Variants in ANXA2R observed in about 807,000 individuals in gnomAD.
ANXA2R encodes annexin-2 receptor.
For missense variants in ANXA2R, 244 were observed against 241.5 expected, an observed-to-expected ratio of 1.01 and a Z score of -0.07; for synonymous variants, 93 against 93.6, an observed-to-expected ratio of 0.99 and a Z score of 0.04.
rs774089093 is a variant in ANXA2R at position 43,039,996 on chromosome 5, C to T, written c.51G>A (p.Glu17=). The change falls in exon 1 of 1, where the codon GAG becomes GAA. Residue 17 remains glutamate (E), a synonymous_variant. Coordinates refer to ENST00000616064, the MANE Select transcript of ANXA2R (RefSeq NM_001014279.3). ...GTGGAGGCTGGGGCTCTGGCGCCAC[C>T]TCTGCGGAATCCCAAGCCCGCTTCA... is the stretch of plus-strand genomic sequence containing the variant. ...GCVKRAWDSA[E]VAPEPQPPPI... is the part of the protein sequence containing the mutation. 6.2e-6 allele frequency: 10 copies of T among 1,613,180 alleles called. No homozygotes were observed. In the East Asian group the frequency reaches 8.9e-5, roughly 14 times the overall value.
chr5:43,042,559 G>T (rs1286741460), upstream of ANXA2R: 2 of 152,718 alleles, frequency 1.3e-5, no homozygotes, highest in Non-Finnish European at 2.9e-5. This position sits in a 1 kb window ranked among gnomAD's most constrained non-coding sequence, Gnocchi z 5.6. Context: ...CAACGGAAAC[G>T]CCGGGTGCTG....
chr5:43,039,938 G>C lies in ANXA2R; in HGVS notation c.109C>G (p.Pro37Ala). 6.2e-7 allele frequency: 1 copy of C among 1,614,196 alleles called. No individual in the cohort carries two copies. The change falls in exon 1 of 1, where the codon CCT becomes GCT. Residue 37 changes from proline (P) to alanine (A), a missense_variant. Transcript: ENST00000616064. ...CCTAGTACTGGATACAAAGGAAGAG[G>C]CCACGGCCCACGATCTTCTGAACTC... ...IVSSEDRGPW[P>A]LPLYPVLGEY...
rs756958369 is a variant in ANXA2R at position 43,039,826 on chromosome 5, G to A, written c.221C>T (p.Ser74Phe). ...LPGVYWQNGL[S>F]PGVQSTLEPS... ...TTCCAAGGTGCTCTGGACTCCAGGA[G>A]AGAGTCCGTTTTGCCAGTAGACTCC... The change falls in exon 1 of 1, where the codon TCT (serine) becomes TTT (phenylalanine). Residue 74 changes from serine to phenylalanine, a missense_variant. By Grantham distance (155) the Ser-to-Phe change is radical (BLOSUM62 -2). Coordinates refer to ENST00000616064, the MANE Select transcript of ANXA2R (RefSeq NM_001014279.3). The A allele has an allele frequency of 3.1e-6, 5 of 1,614,106 alleles. No homozygotes were observed. Among genetic ancestry groups the A allele is most frequent in the African/African-American group, 2.7e-5 (2 of 74,934 alleles).
In ANXA2R at chr5:43,040,298, A is replaced by G; in HGVS notation, c.-252T>C. The G allele has an allele frequency of 2.2e-6, 1 of 453,870 alleles. No homozygotes were observed. The highest frequency in any genetic ancestry group is 4.1e-6 in the Non-Finnish European group (1 of 246,740). The allele number at this position is 453,870 out of a possible 1,614,324, so 28.1% of individuals were successfully genotyped here. ...CGAGAAAAGAAACCGAAATGAAATG[A>G]CACTAAGCAAATCTTGAAGAGAACT... On this transcript the variant is annotated 5_prime_UTR_variant, in exon 1 of 1. Transcript: ENST00000616064.
Position 43,039,499 on chromosome 5 carries a change from C to CACGCCCAGAGTACAGAGA in ANXA2R, c.530_547dup (p.Phe177_Ala182dup). The CACGCCCAGAGTACAGAGA allele has an allele frequency of 6.3e-7, 1 of 1,594,952 alleles. No homozygotes were observed. Among genetic ancestry groups the CACGCCCAGAGTACAGAGA allele is most frequent in the Non-Finnish European group, 8.5e-7 (1 of 1,170,360 alleles). ...CTTAGCTCCACAGATCCGTGAACAG[C>CACGCCCAGAGTACAGAGA]ACGCCCAGAGTACAGAGAACGCGGC... is the stretch of plus-strand genomic sequence containing the variant. On this transcript the variant is annotated inframe_insertion, in exon 1 of 1. Coordinates refer to ENST00000616064, the MANE Select transcript of ANXA2R (RefSeq NM_001014279.3).
upstream of ANXA2R, chr5:43,040,382 G>A (rs1742172456): frequency 4.5e-6 from 1 of 220,912 alleles, no homozygotes; most frequent in Non-Finnish European, 9.8e-6. Context: ...CCCGTTTCCG[G>A]GAAATGAGCG....
At position 43,039,853 on chromosome 5, in the gene ANXA2R, G is replaced by A. The variant is rs1742157180; in HGVS notation, c.194C>T (p.Pro65Leu). 6.2e-7 allele frequency: 1 copy of A among 1,614,214 alleles called. No individual in the cohort carries two copies. The highest frequency in any genetic ancestry group is 1.6e-4 in the Middle Eastern group (1 of 6,062). ...GAGTCCGTTTTGCCAGTAGACTCCG[G>A]GCAGCCGCCAGCAAGGGCTGGAAAG... ...GLLSSPCWRL[P>L]GVYWQNGLSP... Residue 65 changes from proline to leucine, a missense_variant, in exon 1 of 1, where the codon CCC becomes CTC. Transcript: ENST00000616064.
chr5:43,041,128 CATAATTTAAA>C (rs1326299701), upstream of ANXA2R: 2 of 151,430 alleles, frequency 1.3e-5, no homozygotes, highest in Non-Finnish European at 2.9e-5. Flanking sequence ...AAAAAAAATA[CATAATTTAAA>C]ATAATGAAAG....
Position 43,039,421 on chromosome 5 carries a change from G to T in ANXA2R, c.*44C>A. On this transcript the variant is annotated 3_prime_UTR_variant, in exon 1 of 1. Coordinates refer to ENST00000616064, the MANE Select transcript of ANXA2R (RefSeq NM_001014279.3). The stretch of plus-strand genomic sequence containing the variant: ...CTAGGTGGAGACGTTTGGTAACTGA[G>T]AATCTTTTCAAGGAGGAGAATCCAA... The T allele has an allele frequency of 6.9e-7, 1 of 1,444,084 alleles. No homozygotes were observed. The highest frequency in any genetic ancestry group is 9.2e-7 in the Non-Finnish European group (1 of 1,084,970). The allele number at this position is 1,444,084 out of a possible 1,614,324, so 89.5% of individuals were successfully genotyped here.
At position 43,039,952 on chromosome 5, in the gene ANXA2R, T is replaced by A. The variant is rs779218798; in HGVS notation, c.95A>T (p.Asp32Val). Reference sequence around the variant, plus strand: ...CAAAGGAAGAGGCCACGGCCCACGATCTTCTGAACTCACAATAGGTGGAGG... The same window carrying A: ...CAAAGGAAGAGGCCACGGCCCACGAACTTCTGAACTCACAATAGGTGGAGG... ...PQPPPIVSSE[D>V]RGPWPLPLYP... The change falls in exon 1 of 1, where the codon GAT becomes GTT. Residue 32 changes from aspartate (D) to valine (V), a missense_variant. Coordinates refer to ENST00000616064, the MANE Select transcript of ANXA2R (RefSeq NM_001014279.3). The A allele has an allele frequency of 6.2e-7, 1 of 1,614,138 alleles. No individual in the cohort carries two copies. The highest frequency in any genetic ancestry group is 1.6e-4 in the Middle Eastern group (1 of 6,062).
In ANXA2R at chr5:43,039,896, T is replaced by G; in HGVS notation, c.151A>C (p.Ser51Arg). ...CTGGAAAGCAGTCCCAAATCACAGC[T>G]GTCCAGTGAGTACTCTCCTAGTACT... The part of the protein sequence containing the change: ...YPVLGEYSLD[S>R]CDLGLLSSPC... The change falls in exon 1 of 1, where the codon AGC (serine) becomes CGC (arginine). Residue 51 changes from serine to arginine, a missense_variant. By Grantham distance (110) the Ser-to-Arg change is moderately radical (BLOSUM62 -1). Coordinates refer to ENST00000616064, the MANE Select transcript of ANXA2R (RefSeq NM_001014279.3). 6.2e-7 allele frequency: 1 copy of G among 1,614,230 alleles called. No individual in the cohort carries two copies. The highest frequency in any genetic ancestry group is 2.2e-5 in the East Asian group (1 of 44,886).
chr5:43,039,491 G>T lies in ANXA2R; in HGVS notation c.556C>A (p.Arg186=), dbSNP rs10971. 2 of 1,588,692 alleles carry T rather than the reference G, an allele frequency of 1.3e-6. No homozygotes were observed. Among genetic ancestry groups the T allele is most frequent in the Non-Finnish European group, 1.7e-6 (2 of 1,167,190 alleles). ...TAAGGCTGCTTAGCTCCACAGATCC[G>T]TGAACAGCACGCCCAGAGTACAGAG... is the stretch of plus-strand genomic sequence containing the variant. The part of the protein sequence containing the change: ...AFSVLWACCS[R]ICGAKQP Residue 186 remains arginine (R), a synonymous_variant, in exon 1 of 1, where the codon CGG becomes AGG. Transcript: ENST00000616064.
upstream of ANXA2R, chr5:43,040,430 C>G (rs1018298100): frequency 5.5e-6 from 1 of 182,476 alleles, no homozygotes; most frequent in African/African-American, 2.4e-5. Context: ...GGGCTCTGCC[C>G]TAACCACCTT....
At position 43,039,702 on chromosome 5, in the gene ANXA2R, TC is replaced by T; in HGVS notation, c.344del (p.Arg115AsnfsTer81). 1 of 1,613,922 alleles carries T rather than the reference TC, an allele frequency of 6.2e-7. No individual in the cohort carries two copies. Among genetic ancestry groups the T allele is most frequent in the Non-Finnish European group, 8.5e-7 (1 of 1,179,874 alleles). On this transcript the variant is annotated frameshift_variant, in exon 2 of 2. Transcript: ENST00000314890. LOFTEE classifies it low-confidence loss of function (END_TRUNC). ...TCCAGGGAAGCTGCTGGAGCCTGAG[TC>T]TGTCGGGTTCCTCTGCCTGCCCCAC...
chr5:43,039,515 A>C lies in ANXA2R; in HGVS notation c.532T>G (p.Ser178Ala). The C allele has an allele frequency of 6.2e-7, 1 of 1,607,352 alleles. No individual in the cohort carries two copies. The highest frequency in any genetic ancestry group is 1.1e-5 in the South Asian group (1 of 89,904). Residue 178 changes from serine (S) to alanine (A), a missense_variant, in exon 1 of 1, where the codon TCT becomes GCT. Physicochemically the swap from Ser to Ala is moderately conservative, Grantham distance 99 (BLOSUM62 1). Transcript: ENST00000616064. ...WILRVGFAAF[S>A]VLWACCSRIC... ...CGTGAACAGCACGCCCAGAGTACAGAGAACGCGGCAAAACCAACGCGAAGA... is the reference window on the plus strand; with the variant it reads ...CGTGAACAGCACGCCCAGAGTACAGCGAACGCGGCAAAACCAACGCGAAGA...
upstream of ANXA2R, chr5:43,042,722 T>C (rs537585247): frequency 4.4e-4 from 67 of 152,660 alleles, no homozygotes; most frequent in African/African-American, 1.5e-3. This position sits in a 1 kb window ranked among gnomAD's most constrained non-coding sequence, Gnocchi z 5.6. Context: ...AGCAACTCAG[T>C]GGAGAGAACC....
rs375765272 is a variant in ANXA2R, at chr5:43,039,930, A to T, written c.117T>A (p.Pro39=). ...AGTACTCTCCTAGTACTGGATACAA[A>T]GGAAGAGGCCACGGCCCACGATCTT... The part of the protein sequence containing the change: ...SSEDRGPWPL[P]LYPVLGEYSL... The change falls in exon 1 of 1, where the codon CCT becomes CCA. Residue 39 remains proline, a synonymous_variant. Coordinates refer to ENST00000616064, the MANE Select transcript of ANXA2R (RefSeq NM_001014279.3). 6 of 1,614,104 alleles carry T rather than the reference A, an allele frequency of 3.7e-6. No homozygotes were observed. The highest frequency in any genetic ancestry group is 5.1e-6 in the Non-Finnish European group (6 of 1,180,050).
upstream of ANXA2R, chr5:43,042,998 C>G (rs1415333714): frequency 6.6e-6 from 1 of 152,306 alleles, no homozygotes; most frequent in Admixed American, 6.5e-5. The surrounding 1 kb of genome is among the most constrained non-coding windows in gnomAD (Gnocchi z 5.6). Flanking sequence ...CCGGCCTGGG[C>G]CAGCAAAAGC....
Position 43,040,013 on chromosome 5 carries a change from C to G in ANXA2R, c.34G>C (p.Ala12Pro), listed in dbSNP as rs572570308. 7.0e-5 allele frequency: 113 copies of G among 1,611,780 alleles called. No individual in the cohort carries two copies. Among genetic ancestry groups the G allele is most frequent in the South Asian group, 3.7e-4 (34 of 90,900 alleles). The change falls in exon 1 of 1, where the codon GCT becomes CCT. Residue 12 changes from alanine to proline, a missense_variant. Ala to Pro is a conservative substitution (Grantham distance 27, BLOSUM62 -1). Transcript: ENST00000616064. The part of the protein sequence containing the change: ...EQHFLGCVKR[A>P]WDSAEVAPEP... Reference sequence around the variant, plus strand: ...GGCGCCACCTCTGCGGAATCCCAAGCCCGCTTCACACAGCCAAGAAAATGT... The same window carrying G: ...GGCGCCACCTCTGCGGAATCCCAAGGCCGCTTCACACAGCCAAGAAAATGT...
Sources: gnomAD v4.1 joint callset for allele counts on GRCh38, gnomAD v4.1.1 for gene constraint, Gnocchi (gnomAD v3.1) non-coding constraint, MANE v1.5 for transcripts, NCBI Gene and HGNC (gene_info 2026-07-23, HGNC 2026-07-21) for gene names.